The following TRPM7 variants were observed in gnomAD, a reference collection of about 807,000 sequenced individuals.
TRPM7 encodes LTRPC ion channel family member 7.
Under a neutral mutation model 229.7 loss-of-function variants are expected in TRPM7, and 134 were observed. The ratio of observed to expected loss-of-function variants is 0.58; its 90% CI spans 0.51 to 0.67. TRPM7 has a LOEUF of 0.67. Among genes scored for constraint, TRPM7 ranks in the 30% least tolerant of loss-of-function variants. The pLI is 0.00. For missense variants in TRPM7, 1,901 were observed against 2,210.0 expected (o/e 0.86, Z 2.80); for synonymous variants, 699 against 715.2 (o/e 0.98, Z 0.36).
At chr15:50,567,474 G>GT (rs1270116957) in intron 38 of TRPM7, among the ~76,000 whole-genome samples, 27 of 152,140 alleles carry the variant, frequency 1.8e-4, no homozygotes, top group Admixed American at 9.2e-4. Flanking sequence ...TATTTTATAA[G>GT]TATTATCCTA....
intron 8 of TRPM7, among the ~76,000 whole-genome samples, chr15:50,634,056 T>C (rs2060813691): frequency 6.6e-6 from 1 of 152,308 alleles, no homozygotes; most frequent in South Asian, 2.1e-4. Context: ...TGGTGGCTCA[T>C]GCCTGTAATC....
At chr15:50,616,153 T>C (rs1335816166) in intron 13 of TRPM7, among the ~76,000 whole-genome samples, 7 of 152,108 alleles carry the variant, frequency 4.6e-5, no homozygotes, top group Admixed American at 4.6e-4. Context: ...TTAAATTAGG[T>C]AAAATAATGT....
intron 31 of TRPM7, 118 bp downstream of exon 31, chr15:50,578,521 C>G (rs1451635397): frequency 1.1e-6 from 1 of 875,328 alleles, no homozygotes; most frequent in Non-Finnish European, 1.8e-6. Context: ...CTCTTCAATA[C>G]CTTGGCTTTT....
intron 1 of TRPM7, among the ~76,000 whole-genome samples, chr15:50,674,166 T>G (rs750405396): frequency 6.6e-6 from 1 of 152,128 alleles, no homozygotes; most frequent in Non-Finnish European, 1.5e-5. Context: ...TTTTTGTATT[T>G]TTAGTAGAGA....
rs1305279250 is a variant in TRPM7 at position 50,586,474 on chromosome 15, A to T, written c.4404T>A (p.Ser1468=). The change falls in exon 28 of 39, where the codon TCT becomes TCA. Residue 1468 remains serine (S), a synonymous_variant. Coordinates refer to ENST00000646667, the MANE Select transcript of TRPM7 (RefSeq NM_017672.6). ...KIKILSNNNT[S]ENTLKRVSSL... ...AACTCACTCGTTTCAAAGTGTTTTC[A>T]GAAGTATTGTTATTCTGCAAATATT... The T allele has an allele frequency of 6.2e-7, 1 of 1,610,658 alleles. No homozygotes were observed. Among genetic ancestry groups the T allele is most frequent in the Admixed American group, 1.7e-5 (1 of 59,972 alleles).
rs183539251 is a variant in TRPM7, at chr15:50,598,636, C to T, written c.3163+486G>A. 5.6e-4 allele frequency among the ~76,000 whole-genome samples: 86 copies of T among 152,296 alleles called. No individual in the cohort carries two copies. In the East Asian group the frequency reaches 0.012, roughly 22 times the overall value. On this transcript the variant is annotated intron_variant, in intron 22 of 38. Coordinates refer to ENST00000646667, the MANE Select transcript of TRPM7 (RefSeq NM_017672.6). ...TTAGAGATAGGCAGGCTGAAGCCAA[C>T]TCAAGCTAATGAAATGAAAGGACAG...
Position 50,628,150 on chromosome 15 carries a change from A to G in TRPM7, c.1304T>C (p.Leu435Pro), listed in dbSNP as rs953705114. 3.1e-6 allele frequency: 5 copies of G among 1,600,580 alleles called. No individual in the cohort carries two copies. In the African/African-American group the frequency reaches 6.7e-5, roughly 21 times the overall value. The change falls in exon 11 of 39, where the codon CTG (leucine) becomes CCG (proline). Residue 435 changes from leucine to proline, a missense_variant and splice_region_variant. Leu to Pro is a moderately conservative substitution (Grantham distance 98). Transcript: ENST00000646667. Reference protein sequence around the residue: ...NHVFVYGQQWLVGSLEQAMLD... With the variant: ...NHVFVYGQQWPVGSLEQAMLD... ...TGTGTATGTAGATTATTTACATACC[A>G]GCCACTGCTGTCCATAAACAAATAC...
chr15:50,652,159 C>T (rs939923562), intron 3 of TRPM7, among the ~76,000 whole-genome samples: 33 of 150,818 alleles, frequency 2.2e-4, no homozygotes, highest in Admixed American at 3.3e-4. Flanking sequence ...ATGGTGAAAT[C>T]CTGTCTCTAC....
chr15:50,664,941 G>A (rs11070803), intron 1 of TRPM7, among the ~76,000 whole-genome samples: 22,227 of 152,144 alleles, frequency 0.15, 2,215 homozygotes, highest in Admixed American at 0.28. Context: ...ATCCAGCCTC[G>A]TTGACAGAGC....
At chr15:50,610,619 A>G (rs546826827) in intron 17 of TRPM7, among the ~76,000 whole-genome samples, 44 of 152,292 alleles carry the variant, frequency 2.9e-4, no homozygotes, top group African/African-American at 1.1e-3. Flanking sequence ...CCAAAGGTAC[A>G]TGCCATTTTA....
intron 1 of TRPM7, among the ~76,000 whole-genome samples, chr15:50,677,700 C>A (rs2062124683): frequency 7.3e-6 from 1 of 136,510 alleles, no homozygotes; most frequent in Admixed American, 8.2e-5. Context: ...GATCACGCCA[C>A]TGCACTCCAG....
chr15:50,565,566 G>C (rs549279902), intron 38 of TRPM7, among the ~76,000 whole-genome samples: 1 of 152,234 alleles, frequency 6.6e-6, no homozygotes, highest in African/African-American at 2.4e-5. Flanking sequence ...ATATGTGTAT[G>C]CATCTAAGAA....
intron 11 of TRPM7, among the ~76,000 whole-genome samples, chr15:50,625,697 A>G (rs1424042842): frequency 1.3e-5 from 2 of 152,152 alleles, no homozygotes; most frequent in African/African-American, 4.8e-5. Context: ...CACCACACCC[A>G]GTCCTATTTT....
chr15:50,642,165 A>C (rs2061122209), intron 5 of TRPM7, among the ~76,000 whole-genome samples: 1 of 152,178 alleles, frequency 6.6e-6, no homozygotes, highest in African/African-American at 2.4e-5. Context: ...TTAATTTTTG[A>C]AAGCTACTTC....
chr15:50,674,375 A>G (rs1204992491), intron 1 of TRPM7, among the ~76,000 whole-genome samples: 1 of 151,940 alleles, frequency 6.6e-6, no homozygotes, highest in African/African-American at 2.4e-5. Flanking sequence ...CAGGTGATCC[A>G]CCCGCCTCAG....
At chr15:50,664,986 A>G (rs2061843463) in intron 1 of TRPM7, among the ~76,000 whole-genome samples, 1 of 152,188 alleles carries the variant, frequency 6.6e-6, no homozygotes, top group Admixed American at 6.6e-5. Flanking sequence ...AATAATCAGC[A>G]GAAATATTTA....
intron 36 of TRPM7, among the ~76,000 whole-genome samples, chr15:50,572,193 G>A (rs947330898): frequency 1.3e-5 from 2 of 152,244 alleles, no homozygotes; most frequent in Non-Finnish European, 2.9e-5. Flanking sequence ...GCTGAGGCAG[G>A]AGGATGGCTT....
At position 50,643,423 on chromosome 15, in the gene TRPM7, C is replaced by G; in HGVS notation, c.452G>C (p.Arg151Pro). ...ACCTTTTCCAAGCAACTGCTTGATT[C>G]GTGGGTGAAGCTCAAATTTCTGCAT... is the stretch of plus-strand genomic sequence containing the variant. ...GGMQKFELHP[R>P]IKQLLGKGLI... The change falls in exon 5 of 39, where the codon CGA (arginine) becomes CCA (proline). Residue 151 changes from arginine to proline, a missense_variant. By Grantham distance (103) the Arg-to-Pro change is moderately radical. Transcript: ENST00000646667. The G allele has an allele frequency of 6.2e-7, 1 of 1,614,146 alleles. No individual in the cohort carries two copies. The highest frequency in any genetic ancestry group is 8.5e-7 in the Non-Finnish European group (1 of 1,180,026).
chr15:50,612,422 G>T, intron 16 of TRPM7, 127 bp downstream of exon 16: 2 of 642,226 alleles, frequency 3.1e-6, no homozygotes, highest in Non-Finnish European at 4.6e-6. Flanking sequence ...ATAATTTTCT[G>T]TCAATTGTAC....
Sources: allele counts gnomAD v4.1 joint callset (sites outside exome capture counted in the v4.1 genomes callset), GRCh38; gene constraint gnomAD v4.1.1; transcripts MANE v1.5; gene names NCBI Gene and HGNC (gene_info 2026-07-23, HGNC 2026-07-21).